Variants in WDR44 observed in about 807,000 individuals in gnomAD.
WDR44 encodes WD repeat-containing protein 44.
WDR44 carries 9 observed loss-of-function variants against 65.7 expected under a neutral mutation model. The observed-to-expected ratio is 0.14, with a 90% CI of 0.08 to 0.24. WDR44 has a LOEUF of 0.24. Ranked by LOEUF, WDR44 falls within the 10% of genes least tolerant of loss-of-function variation. The pLI is 1.00. For synonymous variants in WDR44, 220 were observed against 235.2 expected (o/e 0.94, Z 0.59); for missense variants, 425 against 670.9 (o/e 0.63, Z 4.05).
chrX:118,429,885 C>G (rs1294541596), intron 12 of WDR44, among the ~76,000 whole-genome samples: 1 of 110,272 alleles, frequency 9.1e-6, no homozygotes, highest in African/African-American at 3.3e-5. Context: ...TCAGGTGATC[C>G]GGCTGCCTCA....
intron 1 of WDR44, among the ~76,000 whole-genome samples, chrX:118,374,863 G>A (rs1160706039): frequency 8.9e-6 from 1 of 111,847 alleles, no homozygotes; most frequent in Non-Finnish European, 1.9e-5. Context: ...CCCTTTTGCA[G>A]AGGATGAGAT....
intron 19 of WDR44, among the ~76,000 whole-genome samples, chrX:118,445,903 G>A (rs1008472856): frequency 9.3e-6 from 1 of 107,928 alleles, no homozygotes; most frequent in African/African-American, 3.4e-5. Context: ...GGTAGTGCAC[G>A]CCTGCAGTCC....
chrX:118,353,437 G>T (rs546283331), intron 1 of WDR44, among the ~76,000 whole-genome samples: 1 of 111,916 alleles, frequency 8.9e-6, no homozygotes, highest in East Asian at 2.8e-4. Flanking sequence ...CATATAATCA[G>T]GTTCTGCCAG....
At chrX:118,352,352 A>ATATATTTTTTT (rs1357425730) in intron 1 of WDR44, among the ~76,000 whole-genome samples, 1 of 14,224 alleles carries the variant, frequency 7.0e-5, no homozygotes, top group African/African-American at 3.7e-4. Flanking sequence ...ATATATATAT[A>ATATATTTTTTT]TTTTTTTTTT....
intron 12 of WDR44, among the ~76,000 whole-genome samples, chrX:118,430,538 T>TAA (rs1181185869): frequency 1.1e-5 from 1 of 90,368 alleles, no homozygotes. Context: ...AGACTCCATC[T>TAA]AAAAAAAAAA....
At chrX:118,355,955 C>T (rs1227108998) in intron 1 of WDR44, among the ~76,000 whole-genome samples, 1 of 111,621 alleles carries the variant, frequency 9.0e-6, no homozygotes, top group Non-Finnish European at 1.9e-5. Flanking sequence ...ACAGTAAAAC[C>T]TTGGGTGGTG....
chrX:118,444,908 G>A, intron 19 of WDR44: 1 of 326,414 alleles, frequency 3.1e-6, no homozygotes, highest in South Asian at 2.7e-5. Context: ...TTTCTTGTTT[G>A]CAACTTAATG....
intron 15 of WDR44, 25 bp from the exon 16 acceptor site, chrX:118,442,219 T>C: frequency 8.7e-7 from 1 of 1,146,537 alleles, no homozygotes; most frequent in Non-Finnish European, 1.2e-6. Flanking sequence ...AATTCTAATA[T>C]GTTAAATGTA....
chrX:118,376,071 A>G (rs1454222735), intron 1 of WDR44, among the ~76,000 whole-genome samples: 7 of 111,096 alleles, frequency 6.3e-5, no homozygotes, highest in Middle Eastern at 4.7e-3. Flanking sequence ...CTAAGTAGCT[A>G]AGACTGCAGG....
chrX:118,392,350 A>G (rs2056827397), intron 3 of WDR44, among the ~76,000 whole-genome samples: 2 of 112,068 alleles, frequency 1.8e-5, no homozygotes, highest in Admixed American at 1.9e-4. Flanking sequence ...ATTTGCTATT[A>G]TGAGGGTTAA....
chrX:118,381,836 T>C (rs2056720768), intron 2 of WDR44, among the ~76,000 whole-genome samples: 1 of 109,514 alleles, frequency 9.1e-6, no homozygotes, highest in Admixed American at 9.8e-5. Context: ...CCCAAAGTGC[T>C]GGGATTATAG....
At chrX:118,370,735 G>A (rs192848249) in intron 1 of WDR44, among the ~76,000 whole-genome samples, 1 of 109,890 alleles carries the variant, frequency 9.1e-6, no homozygotes, top group Non-Finnish European at 1.9e-5. Context: ...CAGGCACGCA[G>A]CAGCACACCA....
intron 1 of WDR44, among the ~76,000 whole-genome samples, chrX:118,374,184 C>T (rs927310076): frequency 9.2e-6 from 1 of 109,073 alleles, no homozygotes; most frequent in South Asian, 4.0e-4. Flanking sequence ...TGAGAATATG[C>T]GGTGCTTTAT....
intron 5 of WDR44, 126 bp from the exon 6 acceptor site, chrX:118,395,123 C>G (rs1202946178): frequency 9.8e-6 from 6 of 612,552 alleles, no homozygotes; most frequent in Non-Finnish European, 1.5e-5. Flanking sequence ...ACGTAATGTT[C>G]CATTTAGATT....
intron 12 of WDR44, among the ~76,000 whole-genome samples, chrX:118,427,459 A>C (rs1358844315): frequency 3.7e-5 from 4 of 107,106 alleles, no homozygotes; most frequent in African/African-American, 1.4e-4. Context: ...TTTAGTAGAG[A>C]CGGGGTTTCA....
chrX:118,446,428 T>C (rs1321381761), intron 19 of WDR44, among the ~76,000 whole-genome samples: 1 of 111,706 alleles, frequency 9.0e-6, no homozygotes, highest in Non-Finnish European at 1.9e-5. Flanking sequence ...AAAATATATA[T>C]ATGATTCTTT....
chrX:118,440,090 A>G (rs1471287443), intron 14 of WDR44, among the ~76,000 whole-genome samples: 3 of 101,355 alleles, frequency 3.0e-5, no homozygotes, highest in African/African-American at 1.1e-4. Flanking sequence ...TCTGTACTCC[A>G]GCCTGGGCAA....
intron 12 of WDR44, among the ~76,000 whole-genome samples, chrX:118,431,298 T>TTTTATTTA (rs1408350052): frequency 1.8e-5 from 2 of 111,478 alleles, no homozygotes; most frequent in African/African-American, 6.5e-5. Flanking sequence ...GTTTATTTTA[T>TTTTATTTA]TTTATTTATT....
At chrX:118,348,018 T>A (rs2682992) in intron 1 of WDR44, among the ~76,000 whole-genome samples, 29,714 of 109,389 alleles carry the variant, frequency 0.27, 3,402 homozygotes, top group African/African-American at 0.42. Flanking sequence ...TCAGATTGAA[T>A]GAGACACCAA....
Sources: gnomAD v4.1 joint callset for allele counts (sites outside exome capture counted in the v4.1 genomes callset) on GRCh38, gnomAD v4.1.1 for gene constraint, MANE v1.5 for transcripts, NCBI Gene and HGNC (gene_info 2026-07-23, HGNC 2026-07-21) for gene names.